The following SMC2 variants were observed in gnomAD, a reference collection of about 807,000 sequenced individuals.
SMC2 encodes the protein structural maintenance of chromosomes 2, also known as structural maintenance of chromosomes protein 2.
In SMC2, 41 loss-of-function variants were observed where a neutral mutation model predicts 142.6. That is an observed-to-expected ratio of 0.29 (90% CI 0.22 to 0.37). The LOEUF is 0.37. Among genes scored for constraint, SMC2 ranks in the 10% least tolerant of loss-of-function variants. The pLI is 1.00. For synonymous variants in SMC2, 463 were observed against 457.5 expected (o/e 1.01, Z -0.15); for missense variants, 1,265 against 1,373.7 (o/e 0.92, Z 1.25).
In SMC2 at chr9:104,117,865, C is replaced by G. The variant is rs528979668; in HGVS notation, c.1792-306C>G. Among the ~76,000 whole-genome samples the G allele has an allele frequency of 2.0e-5, 3 of 152,220 alleles. No homozygotes were observed. The South Asian group carries it at 6.2e-4, about 32-fold the overall frequency. ...TACTATAATTAAAGTTGTGTCCAGT[C>G]AACGTTGGTGAAGGACACTTAGAAA... is the stretch of plus-strand genomic sequence containing the variant. On this transcript the variant is annotated intron_variant, in intron 14 of 24. Coordinates refer to ENST00000374793, the MANE Select transcript of SMC2 (RefSeq NM_006444.3).
intron 7 of SMC2, 69 bp from the exon 8 acceptor site, chr9:104,101,891 A>G: frequency 7.5e-6 from 7 of 931,974 alleles, no homozygotes; most frequent in Admixed American, 2.3e-5. Context: ...AATTTGTTTC[A>G]TCTTGCATAA....
chr9:104,117,551 A>G (rs1833261710), intron 14 of SMC2, among the ~76,000 whole-genome samples: 2 of 152,342 alleles, frequency 1.3e-5, no homozygotes, highest in African/African-American at 2.4e-5. Context: ...TGTAACTGGC[A>G]GACGACTGCT....
In SMC2 at chr9:104,134,592, C is replaced by A. The variant is rs868172354; in HGVS notation, c.3269+17C>A. 1 of 1,414,350 alleles carries A rather than the reference C, an allele frequency of 7.1e-7. No homozygotes were observed. Among genetic ancestry groups the A allele is most frequent in the Non-Finnish European group, 9.3e-7 (1 of 1,071,480 alleles). The allele number at this position is 1,414,350 out of a possible 1,614,324, so 87.6% of individuals were successfully genotyped here. On this transcript the variant is annotated intron_variant, in intron 23 of 24. Coordinates refer to ENST00000374793, the MANE Select transcript of SMC2 (RefSeq NM_006444.3). ...TGGTCAGAGGTGAGGAATCACTTTG[C>A]TATATTATAATTTTCATTCCTCTTT...
chr9:104,089,332 C>T (rs139077719), upstream of SMC2, among the ~76,000 whole-genome samples: 226 of 152,096 alleles, frequency 1.5e-3, 2 homozygotes, highest in African/African-American at 5.2e-3. Flanking sequence ...AGTGAAGACT[C>T]TCTTTGAATC....
At chr9:104,127,599 G>T in intron 20 of SMC2, 119 bp downstream of exon 20, 1 of 624,170 alleles carries the variant, frequency 1.6e-6, no homozygotes, top group Non-Finnish European at 2.5e-6. Flanking sequence ...ATTACAGCCT[G>T]GCATAAATTT....
In SMC2 at chr9:104,125,056, C is replaced by T; in HGVS notation, c.2402C>T (p.Ala801Val). The T allele has an allele frequency of 6.3e-7, 1 of 1,596,376 alleles. No homozygotes were observed. Among genetic ancestry groups the T allele is most frequent in the South Asian group, 1.1e-5 (1 of 87,000 alleles). ...LKDAQKKLDC[A>V]KTKADASSKK... is the part of the protein sequence containing the mutation. ...GATGCTCAGAAAAAACTGGATTGTG[C>T]CAAAACAAAGGCAGATGCATCTAGC... is the stretch of plus-strand genomic sequence containing the variant. The change falls in exon 18 of 25, where the codon GCC becomes GTC. Residue 801 changes from alanine to valine, a missense_variant. Coordinates refer to ENST00000374793, the MANE Select transcript of SMC2 (RefSeq NM_006444.3).
intron 13 of SMC2, among the ~76,000 whole-genome samples, 186 bp downstream of exon 13, chr9:104,115,015 A>G (rs1832923459): frequency 6.6e-6 from 1 of 152,068 alleles, no homozygotes. Context: ...TTACTCAGAA[A>G]CTCAGAATGC....
chr9:104,126,430 T>TA lies in SMC2; in HGVS notation c.2452-210dup, dbSNP rs562297308. 1.7e-3 allele frequency among the ~76,000 whole-genome samples: 256 copies of TA among 152,004 alleles called. 2 individuals carry two copies. The highest frequency in any genetic ancestry group is 0.016 in the South Asian group (78 of 4,816). ...TAATTTATGCAGAGTTCTTTGAACC[T>TA]ATAAAAATTACACATACTTTTTTTT... On this transcript the variant is annotated intron_variant, in intron 18 of 24. Coordinates refer to ENST00000374793, the MANE Select transcript of SMC2 (RefSeq NM_006444.3).
chr9:104,138,711 G>T (rs935407958), intron 24 of SMC2, among the ~76,000 whole-genome samples: 2 of 152,302 alleles, frequency 1.3e-5, no homozygotes, highest in South Asian at 2.1e-4. Flanking sequence ...CATGGATTGT[G>T]TATTTATTAT....
At position 104,132,046 on chromosome 9, in the gene SMC2, A is replaced by G; in HGVS notation, c.3029A>G (p.Asn1010Ser). 1 of 1,597,898 alleles carries G rather than the reference A, an allele frequency of 6.3e-7. No individual in the cohort carries two copies. The highest frequency in any genetic ancestry group is 8.5e-7 in the Non-Finnish European group (1 of 1,170,558). The change falls in exon 22 of 25, where the codon AAT (asparagine) becomes AGT (serine). Residue 1010 changes from asparagine to serine, a missense_variant. This residue lies in a region of SMC2 where 192 missense variants were observed against 261.9 expected (regional missense o/e 0.73). Transcript: ENST00000374793. ...DLMKKKRIVENDKSKILTTIE... is the reference protein window; with the variant it reads ...DLMKKKRIVESDKSKILTTIE... ...ATGAAGAAGAAGAGAATTGTAGAAA[A>G]TGACAAATCCAAAATTCTTACAACT...
Position 104,113,414 on chromosome 9 carries a change from A to G in SMC2, c.1353A>G (p.Leu451=), listed in dbSNP as rs752763800. 2 of 1,610,342 alleles carry G rather than the reference A, an allele frequency of 1.2e-6. No individual in the cohort carries two copies. The highest frequency in any genetic ancestry group is 1.7e-5 in the Admixed American group (1 of 59,362). Residue 451 remains leucine (L), a synonymous_variant, in exon 11 of 25, where the codon CTA becomes CTG. Coordinates refer to ENST00000374793, the MANE Select transcript of SMC2 (RefSeq NM_006444.3). ...GCTACAGGAAGGATCAAGAAGCTCT[A>G]GAAGCTGTAAAAAGACTTAAAGAAA... The part of the protein sequence containing the change: ...DSGYRKDQEA[L]EAVKRLKEKL...
chr9:104,136,127 A>G (rs1835505723), intron 23 of SMC2: 1 of 307,730 alleles, frequency 3.2e-6, no homozygotes, highest in East Asian at 7.9e-5. Context: ...GAAGGTTGTC[A>G]ACATTCACAT....
At chr9:104,100,356 A>G (rs750222412) in intron 6 of SMC2, 33 bp from the exon 7 acceptor site, 17 of 1,502,926 alleles carry the variant, frequency 1.1e-5, no homozygotes, top group Non-Finnish European at 1.6e-5. Context: ...GATACTTTAC[A>G]TGCGAAAATA....
At chr9:104,132,216 T>C (rs1378045412) in intron 22 of SMC2, 91 bp downstream of exon 22, 23 of 727,330 alleles carry the variant, frequency 3.2e-5, no homozygotes, top group Admixed American at 2.3e-4. Context: ...AAATAGCTGA[T>C]CTATGTTTGA....
intron 22 of SMC2, 21 bp downstream of exon 22, chr9:104,132,146 A>C (rs1366756848): frequency 8.0e-7 from 1 of 1,244,126 alleles, no homozygotes; most frequent in Non-Finnish European, 1.2e-6. Context: ...TGTTTGTTTT[A>C]TATGAGGTTG....
intron 9 of SMC2, among the ~76,000 whole-genome samples, chr9:104,102,924 G>A (rs1186989508): frequency 1.3e-5 from 2 of 152,092 alleles, no homozygotes; most frequent in South Asian, 4.2e-4. Context: ...TAGGAAGAAC[G>A]GGTTTGATAA....
chr9:104,132,186 T>TA (rs1710817027), intron 22 of SMC2, 61 bp downstream of exon 22: 2 of 846,052 alleles, frequency 2.4e-6, no homozygotes, highest in African/African-American at 3.5e-5. Context: ...TCAGTGGAGT[T>TA]ATACTCTATA....
At chr9:104,118,596 G>A (rs1432268914) in intron 15 of SMC2, among the ~76,000 whole-genome samples, 2 of 152,100 alleles carry the variant, frequency 1.3e-5, no homozygotes, top group Non-Finnish European at 2.9e-5. Flanking sequence ...CTTAGACAGT[G>A]ATCATATTCT....
At position 104,094,461 on chromosome 9, in the gene SMC2, C is replaced by A; in HGVS notation, c.-78C>A. 2 of 395,948 alleles carry A rather than the reference C, an allele frequency of 5.1e-6. No homozygotes were observed. The highest frequency in any genetic ancestry group is 2.6e-4 in the South Asian group (2 of 7,818). The allele number at this position is 395,948 out of a possible 1,614,324, so 24.5% of individuals were successfully genotyped here. On this transcript the variant is annotated 5_prime_UTR_variant, in exon 1 of 25. Transcript: ENST00000374793. The stretch of plus-strand genomic sequence containing the variant: ...AGGAGCTTTTGGGGTGCGTCAAGCC[C>A]CTGGCCTGAGGCAGCGGTGAGGCGT...
Sources: allele counts gnomAD v4.1 joint callset (sites outside exome capture counted in the v4.1 genomes callset), GRCh38; gene constraint gnomAD v4.1.1; regional missense constraint gnomAD v4.1.1; transcripts MANE v1.5; gene names NCBI Gene and HGNC (gene_info 2026-07-23, HGNC 2026-07-21).